The following IQCE variants were observed in gnomAD, a reference collection of about 807,000 sequenced individuals.
IQCE encodes IQ motif containing E, also known as IQ domain-containing protein E.
Under a neutral mutation model 96.0 loss-of-function variants are expected in IQCE, and 115 were observed. The ratio of observed to expected loss-of-function variants is 1.20; its 90% CI spans 1.03 to 1.40. The LOEUF is 1.40. Among genes scored for constraint, IQCE ranks in the 40% most tolerant of loss-of-function variants. The probability of loss-of-function intolerance (pLI) is 0.00; values close to 1 mark genes in which losing one functional copy is unlikely to be tolerated. For missense variants in IQCE, 1,041 were observed against 909.1 expected, an observed-to-expected ratio of 1.15 and a Z score of -1.87; for synonymous variants, 412 against 371.2, an observed-to-expected ratio of 1.11 and a Z score of -1.26.
chr7:2,593,466 A>G (rs1783774027), intron 15 of IQCE, among the ~76,000 whole-genome samples: 1 of 152,224 alleles, frequency 6.6e-6, no homozygotes, highest in Non-Finnish European at 1.5e-5. Context: ...CCCTCACAGT[A>G]ATGCCATTCG....
At chr7:2,602,180 TC>T (rs1389254432) in intron 18 of IQCE, among the ~76,000 whole-genome samples, 1 of 151,960 alleles carries the variant, frequency 6.6e-6, no homozygotes, top group Non-Finnish European at 1.5e-5. Flanking sequence ...GCAGGATACA[TC>T]AGAGCTCACT....
chr7:2,578,660 C>T (rs1782407914), intron 8 of IQCE, 134 bp downstream of exon 8: 2 of 916,908 alleles, frequency 2.2e-6, no homozygotes, highest in Non-Finnish European at 1.7e-6. Flanking sequence ...GACCCCCAAA[C>T]CCTTCTCCAC....
intron 16 of IQCE, among the ~76,000 whole-genome samples, chr7:2,595,335 C>G (rs1227754688): frequency 6.6e-6 from 1 of 152,190 alleles, no homozygotes; most frequent in Non-Finnish European, 1.5e-5. Flanking sequence ...CTGCATGGAC[C>G]TGGGCATGCG....
At chr7:2,593,290 C>T (rs567477065) in intron 15 of IQCE, among the ~76,000 whole-genome samples, 164 bp downstream of exon 15, 1 of 152,376 alleles carries the variant, frequency 6.6e-6, no homozygotes, top group Admixed American at 6.5e-5. Flanking sequence ...CCGGGACTAA[C>T]CTCTTGGTGC....
At chr7:2,585,331 C>T (rs1184080334) in intron 11 of IQCE, among the ~76,000 whole-genome samples, 2 of 152,222 alleles carry the variant, frequency 1.3e-5, no homozygotes, top group African/African-American at 4.8e-5. Context: ...AGCCACCATG[C>T]CCAGCCTGGT....
chr7:2,576,408 A>G (rs1782126041), intron 6 of IQCE, among the ~76,000 whole-genome samples: 1 of 152,018 alleles, frequency 6.6e-6, no homozygotes, highest in Non-Finnish European at 1.5e-5. Context: ...TCCACTACAG[A>G]GTCTTTTTTT....
chr7:2,596,327 G>A (rs540187029), intron 16 of IQCE, among the ~76,000 whole-genome samples: 1 of 150,948 alleles, frequency 6.6e-6, no homozygotes, highest in African/African-American at 2.4e-5. Context: ...GAGAGAGAGA[G>A]AGAGAGAGAA....
intron 4 of IQCE, among the ~76,000 whole-genome samples, chr7:2,571,861 C>T (rs759660384): frequency 6.6e-6 from 1 of 152,178 alleles, no homozygotes; most frequent in African/African-American, 2.4e-5. Context: ...CCCTTGGTCC[C>T]GTGTGGTCTC....
chr7:2,575,431 G>C (rs1010922091), intron 6 of IQCE, among the ~76,000 whole-genome samples: 1 of 152,248 alleles, frequency 6.6e-6, no homozygotes, highest in Middle Eastern at 3.2e-3. Flanking sequence ...TGGGAGGGAA[G>C]GGCCACCTGT....
chr7:2,588,632 C>T (rs931610968), intron 13 of IQCE, among the ~76,000 whole-genome samples: 25 of 134,918 alleles, frequency 1.9e-4, no homozygotes, highest in African/African-American at 6.4e-4. Flanking sequence ...GGATTACAGA[C>T]GTGAGCCACT....
intron 3 of IQCE, 86 bp downstream of exon 3, chr7:2,569,085 T>G (rs1366024264): frequency 7.3e-7 from 1 of 1,365,102 alleles, no homozygotes; most frequent in African/African-American, 1.4e-5. Context: ...TTTGTACATT[T>G]AGGTAGCTGA....
intron 6 of IQCE, among the ~76,000 whole-genome samples, chr7:2,576,094 C>G (rs114473505): frequency 2.8e-4 from 43 of 152,320 alleles, no homozygotes; most frequent in African/African-American, 1.0e-3. Context: ...GGTTTGTCTG[C>G]AACGATCTTG....
At chr7:2,569,027 C>A in intron 3 of IQCE, 28 bp downstream of exon 3, 1 of 1,607,866 alleles carries the variant, frequency 6.2e-7, no homozygotes. Context: ...TGCCTTCCCT[C>A]TCACGCCGAC....
At chr7:2,606,091 G>A (rs1386919012) in intron 20 of IQCE, 94 bp downstream of exon 20, 11 of 1,404,944 alleles carry the variant, frequency 7.8e-6, no homozygotes, top group Admixed American at 2.6e-5. Context: ...GGCATGTGGC[G>A]GAAACTGGAG....
At position 2,569,011 on chromosome 7, in the gene IQCE, G is replaced by A. The variant is rs372239080; in HGVS notation, c.130+12G>A. On this transcript the variant is annotated intron_variant, in intron 3 of 21. Coordinates refer to ENST00000402050, the MANE Select transcript of IQCE (RefSeq NM_152558.5). ...ACCCACATCGCCAAGTAAGTATGAC[G>A]AGGCCTGCCTTCCCTCTCACGCCGA... 27 of 1,613,138 alleles carry A rather than the reference G, an allele frequency of 1.7e-5. No homozygotes were observed. In the African/African-American group the frequency reaches 2.8e-4, roughly 17 times the overall value.
At chr7:2,602,111 C>T (rs1784474979) in intron 18 of IQCE, among the ~76,000 whole-genome samples, 1 of 152,110 alleles carries the variant, frequency 6.6e-6, no homozygotes, top group Admixed American at 6.5e-5. Context: ...TGGGGGTGGC[C>T]AGCCCTGCAC....
chr7:2,572,900 G>A (rs1781864247), intron 5 of IQCE: 3 of 357,808 alleles, frequency 8.4e-6, no homozygotes, highest in Non-Finnish European at 1.6e-5. Flanking sequence ...CAGCCTCCAG[G>A]GTGTATTGAA....
chr7:2,606,543 C>T (rs774058440), intron 20 of IQCE, among the ~76,000 whole-genome samples: 1 of 152,114 alleles, frequency 6.6e-6, no homozygotes, highest in Non-Finnish European at 1.5e-5. Context: ...CGCTCCGTCA[C>T]CCCCGTCTGC....
rs1562615959 is a variant in IQCE at position 2,563,409 on chromosome 7, G to GTGTC, written c.37-3704_37-3703insCTGT. Among the ~76,000 whole-genome samples the GTGTC allele has an allele frequency of 7.2e-3, 1,098 of 151,468 alleles. 20 individuals are homozygous for GTGTC. The highest frequency in any genetic ancestry group is 0.025 in the African/African-American group (1,046 of 41,264). On this transcript the variant is annotated intron_variant, in intron 1 of 21. Transcript: ENST00000402050. Reference sequence around the variant, plus strand: ...TGTGTGTGTGTGTGTGTGTGTGTGTGTGTACAGGGTTTCTCCATATTGCCC... The same window carrying GTGTC: ...TGTGTGTGTGTGTGTGTGTGTGTGTGTGTCTGTACAGGGTTTCTCCATATTGCCC...
Sources: gnomAD v4.1 joint callset for allele counts (sites outside exome capture counted in the v4.1 genomes callset) on GRCh38, gnomAD v4.1.1 for gene constraint, MANE v1.5 for transcripts, NCBI Gene and HGNC (gene_info 2026-07-23, HGNC 2026-07-21) for gene names.